Variants in ANKEF1 observed in about 807,000 individuals in gnomAD.
The protein encoded by ANKEF1 is ankyrin repeat and EF-hand domain-containing protein 1.
Under a neutral mutation model 65.1 loss-of-function variants are expected in ANKEF1, and 43 were observed. The ratio of observed to expected loss-of-function variants is 0.66; its 90% CI spans 0.52 to 0.85. The LOEUF is 0.85. Ranked by LOEUF, ANKEF1 falls within the 40% of genes least tolerant of loss-of-function variation. ANKEF1 has a pLI of 0.00. For missense variants in ANKEF1, 934 were observed against 952.9 expected, an observed-to-expected ratio of 0.98 and a Z score of 0.26; for synonymous variants, 316 against 341.5, an observed-to-expected ratio of 0.93 and a Z score of 0.82.
chr20:10,053,076 T>C (rs1257517632), intron 8 of ANKEF1, 36 bp from the exon 9 acceptor site: 1 of 1,547,506 alleles, frequency 6.5e-7, no homozygotes, highest in African/African-American at 1.4e-5. Flanking sequence ...TTAATATGTT[T>C]ATAGTCACTC....
chr20:10,038,401 C>T lies in ANKEF1; in HGVS notation c.100C>T (p.Leu34Phe). 1 of 1,613,896 alleles carries T rather than the reference C, an allele frequency of 6.2e-7. No individual in the cohort carries two copies. The highest frequency in any genetic ancestry group is 1.1e-5 in the South Asian group (1 of 91,054). ...GAAGCAGATAGAGAAGCTGACCAAG[C>T]TTGGATACCCTGAACTAATCAATTA... ...DKKQIEKLTK[L>F]GYPELINYTE... is the part of the protein sequence containing the mutation. Residue 34 changes from leucine to phenylalanine, a missense_variant, in exon 3 of 11, where the codon CTT becomes TTT. Leu to Phe is a conservative substitution (Grantham distance 22). Transcript: ENST00000378392.
In ANKEF1 at chr20:10,058,084, G is replaced by A. The variant is rs1192354225; in HGVS notation, c.*2424G>A. 6.6e-6 allele frequency: 1 copy of A among 152,134 alleles called. No homozygotes were observed. The highest frequency in any genetic ancestry group is 1.5e-5 in the Non-Finnish European group (1 of 68,012). The allele number at this position is 152,134 out of a possible 1,614,324, so 9.4% of individuals were successfully genotyped here. On this transcript the variant is annotated 3_prime_UTR_variant, in exon 11 of 11. Transcript: ENST00000378392. Reference sequence around the variant, plus strand: ...ATCATATCAGGAGGCACATGATGTTGATACCTGATATAAACTTTAACTGCA... The same window carrying A: ...ATCATATCAGGAGGCACATGATGTTAATACCTGATATAAACTTTAACTGCA...
intron 3 of ANKEF1, among the ~76,000 whole-genome samples, chr20:10,041,033 T>C (rs1984155977): frequency 6.6e-6 from 1 of 152,026 alleles, no homozygotes. Flanking sequence ...TAGGTTTTGA[T>C]TTTCATATAC....
chr20:10,055,786 T>A lies in ANKEF1; in HGVS notation c.*126T>A, dbSNP rs6087120. 92,467 of 920,728 alleles carry A rather than the reference T, an allele frequency of 0.1. 5,336 individuals are homozygous for A. The highest frequency in any genetic ancestry group is 0.12 in the Non-Finnish European group (72,743 of 608,928). The allele number at this position is 920,728 out of a possible 1,614,324, so 57.0% of individuals were successfully genotyped here. A position where few individuals can be genotyped will look rare whatever the true frequency, so the allele number is the denominator to read the frequency against. On this transcript the variant is annotated 3_prime_UTR_variant, in exon 11 of 11. Transcript: ENST00000378392. Reference sequence around the variant, plus strand: ...AGAACTTGTTACCAAGAATTTCTTTTTGCTTTAACAACTATAAATATTCTT... The same window carrying A: ...AGAACTTGTTACCAAGAATTTCTTTATGCTTTAACAACTATAAATATTCTT...
Position 10,050,527 on chromosome 20 carries a change from A to G in ANKEF1, c.1643+315A>G, listed in dbSNP as rs369775375. On this transcript the variant is annotated intron_variant, in intron 7 of 10. Transcript: ENST00000378392. ...GGAGAATTTATGTTAGATTTATGTT[A>G]TGTTAGATTCCTAGCCCCTTTATTA... Among the ~76,000 whole-genome samples, 5 of 152,324 alleles carry G rather than the reference A, an allele frequency of 3.3e-5. No individual in the cohort carries two copies. The East Asian group carries it at 7.7e-4, about 23-fold the overall frequency.
intron 5 of ANKEF1, among the ~76,000 whole-genome samples, chr20:10,045,164 C>T (rs1345312041): frequency 1.3e-5 from 2 of 152,066 alleles, no homozygotes; most frequent in Non-Finnish European, 2.9e-5. Context: ...AAGATAGAAA[C>T]CACGTTTGGT....
chr20:10,051,765 T>A lies in ANKEF1; in HGVS notation c.1746T>A (p.Ala582=), dbSNP rs683145. 4.3e-6 allele frequency: 7 copies of A among 1,613,692 alleles called. No homozygotes were observed. The highest frequency in any genetic ancestry group is 1.3e-5 in the African/African-American group (1 of 75,000). The change falls in exon 8 of 11, where the codon GCT becomes GCA. Residue 582 remains alanine (A), a synonymous_variant. Coordinates refer to ENST00000378392, the MANE Select transcript of ANKEF1 (RefSeq NM_022096.6). ...TTGAGCTTCTTGTTGAATCTGGAGC[T>A]TTAATAGATGCAGCTTCAATCAACA... ...DIVELLVESG[A]LIDAASINNS...
At chr20:10,047,343 G>A (rs1243713396) in intron 6 of ANKEF1, among the ~76,000 whole-genome samples, 3 of 152,130 alleles carry the variant, frequency 2.0e-5, no homozygotes, top group African/African-American at 4.8e-5. Context: ...ATATAAACAC[G>A]TCACCAGATC....
intron 7 of ANKEF1, 119 bp from the exon 8 acceptor site, chr20:10,051,544 T>C (rs1428792568): frequency 2.7e-6 from 2 of 744,406 alleles, no homozygotes; most frequent in Non-Finnish European, 4.3e-6. Flanking sequence ...AGAAAAATTA[T>C]GGCACAAAGT....
intron 3 of ANKEF1, among the ~76,000 whole-genome samples, chr20:10,042,749 G>GA (rs1345911672): frequency 1.3e-5 from 2 of 152,250 alleles, no homozygotes; most frequent in African/African-American, 4.8e-5. Flanking sequence ...TGCAGTTTTA[G>GA]AGGGGACCGG....
intron 9 of ANKEF1, among the ~76,000 whole-genome samples, chr20:10,053,842 G>C (rs1985002268): frequency 6.6e-6 from 1 of 152,136 alleles, no homozygotes; most frequent in Non-Finnish European, 1.5e-5. Context: ...TGGTAATCCG[G>C]AGTGATTTGG....
intron 3 of ANKEF1, among the ~76,000 whole-genome samples, chr20:10,042,536 T>A (rs1204652930): frequency 6.6e-6 from 1 of 152,162 alleles, no homozygotes. Context: ...AAGGCCTGTA[T>A]GTTACAGGTC....
intron 10 of ANKEF1, among the ~76,000 whole-genome samples, chr20:10,054,894 C>T (rs963587774): frequency 6.6e-6 from 1 of 152,166 alleles, no homozygotes; most frequent in Non-Finnish European, 1.5e-5. Flanking sequence ...TCACTAACTC[C>T]TAAGGATACT....
rs146182537 is a variant in ANKEF1, at chr20:10,054,492, A to G, written c.2065A>G (p.Thr689Ala). The change falls in exon 10 of 11, where the codon ACC becomes GCC. Residue 689 changes from threonine to alanine, a missense_variant. By Grantham distance (58) the Thr-to-Ala change is moderately conservative. Coordinates refer to ENST00000378392, the MANE Select transcript of ANKEF1 (RefSeq NM_022096.6). ...GCTGTCATCAATTTATGGTGTACCAACCACATCAGAGGGAAAGAAAGTACA... is the reference window on the plus strand; with the variant it reads ...GCTGTCATCAATTTATGGTGTACCAGCCACATCAGAGGGAAAGAAAGTACA... ...ELLSSIYGVPTTSEGKKVQKG... is the reference protein window; with the variant it reads ...ELLSSIYGVPATSEGKKVQKG... 1.3e-4 allele frequency: 216 copies of G among 1,601,940 alleles called. No individual in the cohort carries two copies. In the African/African-American group the frequency reaches 2.8e-3, roughly 20 times the overall value.
Position 10,050,006 on chromosome 20 carries a change from G to T in ANKEF1, c.1437G>T (p.Gln479His). ...NRDHPPEHPI[Q>H]DDSVWYIDDS... ...ATCATCCCCCAGAACATCCCATTCAGGATGACTCTGTTTGGTACATTGATG... is the reference window on the plus strand; with the variant it reads ...ATCATCCCCCAGAACATCCCATTCATGATGACTCTGTTTGGTACATTGATG... The change falls in exon 7 of 11, where the codon CAG becomes CAT. Residue 479 changes from glutamine (Q) to histidine (H), a missense_variant. Physicochemically the swap from Gln to His is conservative, Grantham distance 24 (BLOSUM62 0). Coordinates refer to ENST00000378392, the MANE Select transcript of ANKEF1 (RefSeq NM_022096.6). 6.2e-7 allele frequency: 1 copy of T among 1,614,110 alleles called. No homozygotes were observed. The highest frequency in any genetic ancestry group is 8.5e-7 in the Non-Finnish European group (1 of 1,180,006).
intron 6 of ANKEF1, 65 bp from the exon 7 acceptor site, chr20:10,049,325 A>C: frequency 7.1e-7 from 1 of 1,398,846 alleles, no homozygotes; most frequent in Admixed American, 2.3e-5. Flanking sequence ...CAGTTGGATG[A>C]GTGTCACTTA....
chr20:10,044,612 A>G lies in ANKEF1; in HGVS notation c.696+69A>G, dbSNP rs1029114333. On this transcript the variant is annotated intron_variant, in intron 5 of 10. Transcript: ENST00000378392. ...TCTGTCCTTTTTCTCAAATTTTTTT[A>G]TATGTCATATAGAGTACGCTAAGGC... 12 of 1,561,186 alleles carry G rather than the reference A, an allele frequency of 7.7e-6. No homozygotes were observed. In the East Asian group the frequency reaches 2.0e-4, roughly 26 times the overall value.
At chr20:10,044,307 A>G (rs796354028) in intron 4 of ANKEF1, 87 bp from the exon 5 acceptor site, 2 of 1,422,776 alleles carry the variant, frequency 1.4e-6, no homozygotes, top group Non-Finnish European at 1.9e-6. Context: ...GCTAAGGTCA[A>G]ATGGATTCAG....
chr20:10,040,416 G>A (rs982000424), intron 3 of ANKEF1, among the ~76,000 whole-genome samples: 2 of 152,242 alleles, frequency 1.3e-5, no homozygotes, highest in Non-Finnish European at 2.9e-5. Context: ...TGGGTCTTTA[G>A]GATGTGAGAC....
Sources: allele counts gnomAD v4.1 joint callset (sites outside exome capture counted in the v4.1 genomes callset), GRCh38; gene constraint gnomAD v4.1.1; transcripts MANE v1.5; gene names NCBI Gene and HGNC (gene_info 2026-07-23, HGNC 2026-07-21).